The following MYH15 variants were observed in gnomAD, a reference collection of about 807,000 sequenced individuals.
The protein encoded by MYH15 is myosin heavy chain 15, also known as myosin-15.
In MYH15, 227 loss-of-function variants were observed where a neutral mutation model predicts 240.5. The ratio of observed to expected loss-of-function variants is 0.94; its 90% CI spans 0.85 to 1.05. The LOEUF (loss-of-function observed/expected upper bound fraction) is 1.05. Ranked by LOEUF, MYH15 falls within the 50% of genes least tolerant of loss-of-function variation. MYH15 has a pLI of 0.00. For missense variants in MYH15, 2,217 were observed against 2,247.5 expected (o/e 0.99, Z 0.27); for synonymous variants, 785 against 796.7 (o/e 0.99, Z 0.25).
chr3:108,496,732 T>C lies in MYH15; in HGVS notation c.619-860A>G, dbSNP rs2083393784. Among the ~76,000 whole-genome samples the C allele has an allele frequency of 2.0e-5, 3 of 151,558 alleles. No individual in the cohort carries two copies. In the South Asian group the frequency reaches 6.2e-4, roughly 31 times the overall value. ...ATGAGCAAGGATTTCCATAGGAGTGTTATATTTATGTATTGTATTATATAT... is the reference window on the plus strand; with the variant it reads ...ATGAGCAAGGATTTCCATAGGAGTGCTATATTTATGTATTGTATTATATAT... On this transcript the variant is annotated intron_variant, in intron 6 of 40. Transcript: ENST00000693548.
chr3:108,461,484 TA>T (rs970441289), intron 16 of MYH15, among the ~76,000 whole-genome samples: 1 of 151,908 alleles, frequency 6.6e-6, no homozygotes, highest in Non-Finnish European at 1.5e-5. Context: ...AAGAATTATT[TA>T]AAAAAAAGGC....
In MYH15 at chr3:108,436,230, C is replaced by T. The variant is rs142771061; in HGVS notation, c.3221+1324G>A. ...TAAAACTCTTGACCTGTGGCCTACA[C>T]GACATACAGTATCATTTACACTTTG... On this transcript the variant is annotated intron_variant, in intron 25 of 40. Coordinates refer to ENST00000693548, the MANE Select transcript of MYH15 (RefSeq NM_014981.3). Among the ~76,000 whole-genome samples, 115 of 152,284 alleles carry T rather than the reference C, an allele frequency of 7.6e-4. 2 individuals are homozygous for T. Among genetic ancestry groups the T allele is most frequent in the Non-Finnish European group, 4.1e-4 (28 of 68,022 alleles).
intron 26 of MYH15, 100 bp from the exon 27 acceptor site, chr3:108,428,981 C>A: frequency 8.4e-7 from 1 of 1,185,256 alleles, no homozygotes; most frequent in African/African-American, 1.5e-5. Flanking sequence ...TTTTGGTTCC[C>A]AATTTACAAC....
At chr3:108,524,256 T>C (rs982757049) in intron 1 of MYH15, among the ~76,000 whole-genome samples, 3 of 152,046 alleles carry the variant, frequency 2.0e-5, no homozygotes, top group Admixed American at 6.6e-5. Flanking sequence ...ATAGGTATAA[T>C]GTAATATTTC....
chr3:108,516,223 G>A (rs1267084581), intron 1 of MYH15, among the ~76,000 whole-genome samples: 5 of 152,150 alleles, frequency 3.3e-5, no homozygotes, highest in Middle Eastern at 3.2e-3. Flanking sequence ...ATCAAGGTAC[G>A]TTATTATGCA....
upstream of MYH15, among the ~76,000 whole-genome samples, chr3:108,515,484 T>C (rs972804817): frequency 6.6e-6 from 1 of 152,232 alleles, no homozygotes; most frequent in Non-Finnish European, 1.5e-5. Context: ...TTGATTTCCA[T>C]AAGCGCTCTC....
chr3:108,465,007 C>T (rs192220650), intron 14 of MYH15, among the ~76,000 whole-genome samples, 193 bp from the exon 15 acceptor site: 3 of 152,286 alleles, frequency 2.0e-5, no homozygotes. Context: ...CCAATAGCCG[C>T]TGGTGATTGA....
At chr3:108,434,434 C>T (rs760200036) in intron 25 of MYH15, among the ~76,000 whole-genome samples, 10 of 151,758 alleles carry the variant, frequency 6.6e-5, no homozygotes, top group Admixed American at 1.3e-4. Context: ...TGCCCACCTT[C>T]GCCTCCCACA....
chr3:108,508,245 C>T (rs2083493583), intron 1 of MYH15, among the ~76,000 whole-genome samples: 1 of 152,168 alleles, frequency 6.6e-6, no homozygotes, highest in Admixed American at 6.5e-5. Flanking sequence ...TCTTACCACC[C>T]CTGGAAACAC....
chr3:108,455,040 C>G (rs1420542443), intron 20 of MYH15, among the ~76,000 whole-genome samples: 1 of 152,124 alleles, frequency 6.6e-6, no homozygotes, highest in African/African-American at 2.4e-5. Context: ...ATATGGGAGT[C>G]AACATTTTAT....
chr3:108,444,016 AG>A (rs2082906771), intron 22 of MYH15, among the ~76,000 whole-genome samples: 1 of 75,260 alleles, frequency 1.3e-5, no homozygotes, highest in East Asian at 4.4e-4. Flanking sequence ...GGGAGGGGGG[AG>A]GGATAGCATT....
At position 108,416,894 on chromosome 3, in the gene MYH15, A is replaced by G. The variant is rs1292895525; in HGVS notation, c.3866T>C (p.Leu1289Pro). The change falls in exon 29 of 41, where the codon CTG (leucine) becomes CCG (proline). Residue 1289 changes from leucine (L) to proline (P), a missense_variant. Leu to Pro is a moderately conservative substitution (Grantham distance 98). Transcript: ENST00000693548. ...FLRRLEEKEA[L>P]INQLSREKSN... Reference sequence around the variant, plus strand: ...CTTTTCCCTGGAAAGTTGGTTTATCAGAGCCTCCTTCTCTTCAAGCCTCCG... The same window carrying G: ...CTTTTCCCTGGAAAGTTGGTTTATCGGAGCCTCCTTCTCTTCAAGCCTCCG... 6.2e-7 allele frequency: 1 copy of G among 1,613,932 alleles called. No individual in the cohort carries two copies. Among genetic ancestry groups the G allele is most frequent in the Non-Finnish European group, 8.5e-7 (1 of 1,179,948 alleles).
At chr3:108,456,573 G>A (rs2083021520) in intron 19 of MYH15, among the ~76,000 whole-genome samples, 193 bp downstream of exon 19, 1 of 152,118 alleles carries the variant, frequency 6.6e-6, no homozygotes, top group African/African-American at 2.4e-5. Context: ...GGATATTACA[G>A]TTACATGGAT....
intron 31 of MYH15, 72 bp downstream of exon 31, chr3:108,410,511 A>C: frequency 9.3e-7 from 1 of 1,080,884 alleles, no homozygotes; most frequent in Non-Finnish European, 1.3e-6. Flanking sequence ...TGCTGAAGAC[A>C]GCCTTGCCTG....
In MYH15 at chr3:108,455,211, A is replaced by C. The variant is rs550545565; in HGVS notation, c.2262+525T>G. On this transcript the variant is annotated intron_variant, in intron 20 of 40. Coordinates refer to ENST00000693548, the MANE Select transcript of MYH15 (RefSeq NM_014981.3). ...TGATAAGTTAGAAGTTTCCCAAAAT[A>C]TGTGAGTCATGCCAATATCATCTAA... is the stretch of plus-strand genomic sequence containing the variant. 4.6e-5 allele frequency among the ~76,000 whole-genome samples: 7 copies of C among 152,348 alleles called. No homozygotes were observed. The South Asian group carries it at 1.4e-3, about 32-fold the overall frequency.
intron 19 of MYH15, among the ~76,000 whole-genome samples, 193 bp from the exon 20 acceptor site, chr3:108,456,052 A>C (rs2083017080): frequency 6.6e-6 from 1 of 152,204 alleles, no homozygotes; most frequent in African/African-American, 2.4e-5. Context: ...AATAGTTTGT[A>C]CTTTTCATAT....
At chr3:108,383,763 C>T in intron 39 of MYH15, 34 bp from the exon 40 acceptor site, 1 of 1,460,004 alleles carries the variant, frequency 6.8e-7, no homozygotes, top group African/African-American at 1.4e-5. Flanking sequence ...AAGAAATCTC[C>T]ATGCCTATAT....
upstream of MYH15, among the ~76,000 whole-genome samples, chr3:108,532,928 TCAA>T (rs1233698125): frequency 1.3e-5 from 2 of 152,172 alleles, no homozygotes; most frequent in African/African-American, 4.8e-5. Flanking sequence ...TACCAATGTT[TCAA>T]CAACTGGTAA....
chr3:108,466,750 A>G (rs2083122092), intron 14 of MYH15, among the ~76,000 whole-genome samples: 1 of 152,138 alleles, frequency 6.6e-6, no homozygotes, highest in Non-Finnish European at 1.5e-5. Context: ...TGTTCACTCT[A>G]TTCTCAGCAT....
Sources: allele counts gnomAD v4.1 joint callset (sites outside exome capture counted in the v4.1 genomes callset), GRCh38; gene constraint gnomAD v4.1.1; transcripts MANE v1.5; gene names NCBI Gene and HGNC (gene_info 2026-07-23, HGNC 2026-07-21).